SPATA31H1: variants seen among roughly 807,000 people sequenced by gnomAD.
The protein encoded by SPATA31H1 is SPATA31 subfamily H member 1.
chr2:27,575,202 G>C, the SPATA31H1 span: 2 of 398,538 alleles, frequency 5.0e-6, no homozygotes, highest in East Asian at 7.1e-5. The surrounding 1 kb of genome is among the most constrained non-coding windows in gnomAD (Gnocchi z 4.1). Flanking sequence ...AGAATTGCAG[G>C]TTGCAAAACT....
chr2:27,559,723 A>C, the SPATA31H1 span, among the ~76,000 whole-genome samples: 2 of 152,072 alleles, frequency 1.3e-5, no homozygotes, highest in Non-Finnish European at 2.9e-5. Context: ...TGTTTTATCA[A>C]TGCTAGTAAG....
At chr2:27,580,673 T>C in the SPATA31H1 span, 92 of 1,614,078 alleles carry the variant, frequency 5.7e-5, no homozygotes, top group East Asian at 2.2e-5. Context: ...CACACAGAGT[T>C]ATAGCTTCTG....
chr2:27,577,990 A>C, the SPATA31H1 span: 2 of 1,614,040 alleles, frequency 1.2e-6, no homozygotes, highest in Non-Finnish European at 1.7e-6. This position sits in a 1 kb window ranked among gnomAD's most constrained non-coding sequence, Gnocchi z 4.5. Context: ...CGAATTGTAG[A>C]ATTTATGAGG....
the SPATA31H1 span, among the ~76,000 whole-genome samples, chr2:27,550,202 T>C: frequency 6.7e-6 from 1 of 149,948 alleles, no homozygotes; most frequent in Admixed American, 6.6e-5. Flanking sequence ...CAATGTTCAA[T>C]AGAGATGGTA....
At chr2:27,548,213 C>T in the SPATA31H1 span, among the ~76,000 whole-genome samples, 1 of 151,768 alleles carries the variant, frequency 6.6e-6, no homozygotes, top group South Asian at 2.1e-4. Context: ...TCGTGATCTG[C>T]CCACCTCGGC....
At chr2:27,574,794 C>A in the SPATA31H1 span, 2 of 398,466 alleles carry the variant, frequency 5.0e-6, no homozygotes, top group Non-Finnish European at 4.4e-6. Context: ...CCCACAGTGG[C>A]AAGATACAAA....
chr2:27,566,015 G>T, the SPATA31H1 span: 46 of 717,240 alleles, frequency 6.4e-5, 2 homozygotes, highest in South Asian at 3.8e-4. Flanking sequence ...TAGTCATGAG[G>T]CTGACAGATT....
the SPATA31H1 span, among the ~76,000 whole-genome samples, chr2:27,560,085 C>G: frequency 1.3e-5 from 2 of 152,046 alleles, no homozygotes; most frequent in Non-Finnish European, 2.9e-5. Context: ...CCAGGATGGT[C>G]TCAATCTCTT....
At chr2:27,569,990 G>C in the SPATA31H1 span, 1 of 398,854 alleles carries the variant, frequency 2.5e-6, no homozygotes, top group Non-Finnish European at 4.4e-6. Context: ...ACATCAAATT[G>C]TCAGATTTTA....
chr2:27,572,319 C>A, the SPATA31H1 span: 8 of 398,438 alleles, frequency 2.0e-5, no homozygotes, highest in Admixed American at 3.5e-4. Context: ...AGAGCTAGAG[C>A]TTGGAAGAAT....
At chr2:27,566,982 C>T in the SPATA31H1 span, 1 of 717,596 alleles carries the variant, frequency 1.4e-6, no homozygotes, top group Non-Finnish European at 2.6e-6. Context: ...CCACAAAAAG[C>T]AATCCTCTGT....
the SPATA31H1 span, among the ~76,000 whole-genome samples, chr2:27,562,902 T>A: frequency 4.0e-5 from 6 of 149,640 alleles, no homozygotes; most frequent in Non-Finnish European, 7.4e-5. Flanking sequence ...AAAAAAAAAA[T>A]TGGGGGAGTA....
chr2:27,578,219 G>T, the SPATA31H1 span: 1 of 1,614,164 alleles, frequency 6.2e-7, no homozygotes, highest in Non-Finnish European at 8.5e-7. Flanking sequence ...TGCAATATGT[G>T]AGACCTTCAG....
chr2:27,573,960 T>A, the SPATA31H1 span: 1 of 398,508 alleles, frequency 2.5e-6, no homozygotes, highest in Non-Finnish European at 4.4e-6. Context: ...ACAATGGCAA[T>A]GTGTCAAATC....
chr2:27,578,373 G>A, the SPATA31H1 span: 13 of 1,614,092 alleles, frequency 8.1e-6, no homozygotes, highest in Admixed American at 5.0e-5. Flanking sequence ...CCTTCAAATC[G>A]TAAAATCTGA....
chr2:27,556,438 C>T, the SPATA31H1 span, among the ~76,000 whole-genome samples: 1 of 151,540 alleles, frequency 6.6e-6, no homozygotes, highest in East Asian at 1.9e-4. Flanking sequence ...CCTGTCTCCC[C>T]TTTCCTTCTG....
chr2:27,577,164 C>T, the SPATA31H1 span: 2 of 1,613,872 alleles, frequency 1.2e-6, no homozygotes, highest in African/African-American at 2.7e-5. This position sits in a 1 kb window ranked among gnomAD's most constrained non-coding sequence, Gnocchi z 4.5. Context: ...GATGCTGCTG[C>T]AGCCAGATCT....
the SPATA31H1 span, among the ~76,000 whole-genome samples, chr2:27,548,946 C>T: frequency 2.6e-5 from 4 of 151,268 alleles, no homozygotes; most frequent in Admixed American, 6.6e-5. Flanking sequence ...TGGTGGCACG[C>T]GCCTGTAATC....
chr2:27,582,586 GCTT>G, the SPATA31H1 span: 6 of 1,490,450 alleles, frequency 4.0e-6, no homozygotes, highest in Non-Finnish European at 5.4e-6. Flanking sequence ...CCCTTTCCAG[GCTT>G]CTTTCCTGCT....
Sources: gnomAD v4.1 joint callset for allele counts (sites outside exome capture counted in the v4.1 genomes callset) on GRCh38, gnomAD v4.1.1 for gene constraint, Gnocchi (gnomAD v3.1) non-coding constraint, MANE v1.5 for transcripts, NCBI Gene and HGNC (gene_info 2026-07-23, HGNC 2026-07-21) for gene names.